Variants in ARL13A observed in about 807,000 individuals in gnomAD.
ARL13A encodes the protein ADP-ribosylation factor-like protein 13A.
In ARL13A, 16 loss-of-function variants were observed where a neutral mutation model predicts 19.1. The ratio of observed to expected loss-of-function variants is 0.84; its 90% confidence interval spans 0.57 to 1.27. The LOEUF (loss-of-function observed/expected upper bound fraction) is 1.27. Ranked by LOEUF, ARL13A falls within the 50% of genes most tolerant of loss-of-function variation. The pLI, the probability that ARL13A is intolerant of heterozygous loss-of-function variation, is 0.00. For synonymous variants in ARL13A, 69 were observed against 71.3 expected, an observed-to-expected ratio of 0.97 and a Z score of 0.17; for missense variants, 153 against 186.4, an observed-to-expected ratio of 0.82 and a Z score of 1.04.
At chrX:100,977,369 C>CTTTTTTT (rs59915769) in intron 3 of ARL13A, among the ~76,000 whole-genome samples, 17 of 56,451 alleles carry the variant, frequency 3.0e-4, no homozygotes, top group African/African-American at 7.9e-4. Context: ...CTACTCTCTT[C>CTTTTTTT]TTTTTTTTTT....
At chrX:100,972,542 A>C (rs1159887703) in intron 1 of ARL13A, among the ~76,000 whole-genome samples, 96 of 34,463 alleles carry the variant, frequency 2.8e-3, no homozygotes, top group Admixed American at 5.0e-3. Flanking sequence ...GGGGACTGAC[A>C]CCCCCACCTC....
intron 7 of ARL13A, among the ~76,000 whole-genome samples, chrX:100,990,080 T>C (rs2085998293): frequency 8.9e-6 from 1 of 112,856 alleles, no homozygotes; most frequent in Non-Finnish European, 1.9e-5. Flanking sequence ...AGATAAGATG[T>C]TACTGGAAAA....
In ARL13A at chrX:100,973,443, C is replaced by T. The variant is rs373124348; in HGVS notation, c.-14-233C>T. ...TCCCGGGCGGCGCTCGCCGGCGCGG[C>T]GGCAAAGACTGAGACAGCTCCGCTG... On this transcript the variant is annotated intron_variant, in intron 1 of 7. Coordinates refer to ENST00000450049, the MANE Select transcript of ARL13A (RefSeq NM_001162491.2). Among the ~76,000 whole-genome samples the T allele has an allele frequency of 1.7e-4, 18 of 107,425 alleles. No homozygotes were observed. The East Asian group carries it at 2.7e-3, about 16-fold the overall frequency. 93.3% of individuals were successfully genotyped at this position (107,425 alleles called of 115,157 possible).
intron 7 of ARL13A, chrX:100,988,554 T>A (rs1569463793): frequency 1.9e-6 from 2 of 1,059,747 alleles, no homozygotes; most frequent in Non-Finnish European, 2.5e-6. Flanking sequence ...ACAATATTTT[T>A]GAAGGTAATG....
intron 3 of ARL13A, among the ~76,000 whole-genome samples, chrX:100,982,059 C>A (rs1295307074): frequency 9.0e-6 from 1 of 110,841 alleles, no homozygotes; most frequent in East Asian, 2.8e-4. Context: ...CTGGCACAAG[C>A]AGGTGTCCTA....
At chrX:100,988,156 C>T (rs375088271) in intron 6 of ARL13A, 37 bp from the exon 7 acceptor site, 176 of 1,104,305 alleles carry the variant, frequency 1.6e-4, no homozygotes, top group Non-Finnish European at 2.1e-4. Context: ...GAAGTGTGTC[C>T]GTTTCTACTA....
intron 3 of ARL13A, among the ~76,000 whole-genome samples, chrX:100,975,757 C>T (rs1192140513): frequency 2.7e-5 from 3 of 109,460 alleles, no homozygotes; most frequent in Non-Finnish European, 5.7e-5. Context: ...CTCAGCCTCC[C>T]GAGTAGCTGG....
intron 1 of ARL13A, among the ~76,000 whole-genome samples, chrX:100,972,433 CT>C (rs1475464368): frequency 9.8e-6 from 1 of 101,798 alleles, no homozygotes; most frequent in African/African-American, 3.6e-5. Flanking sequence ...GTAGGGGCGG[CT>C]GGGCAGAGGC....
chrX:100,983,886 G>A (rs754193179), intron 3 of ARL13A, among the ~76,000 whole-genome samples: 10 of 110,730 alleles, frequency 9.0e-5, no homozygotes, highest in East Asian at 8.5e-4. Context: ...AACTTTTCAC[G>A]TTAATGACTC....
rs755592625 is a variant in ARL13A at position 100,987,569 on chromosome X, C to T, written c.653+13C>T. The T allele has an allele frequency of 4.6e-5, 55 of 1,203,686 alleles. No individual in the cohort carries two copies. The highest frequency in any genetic ancestry group is 5.8e-5 in the Non-Finnish European group (52 of 892,588). On this transcript the variant is annotated intron_variant, in intron 6 of 7. Coordinates refer to ENST00000450049, the MANE Select transcript of ARL13A (RefSeq NM_001162491.2). ...GCTCATCACACAGGTACTGAGATGC[C>T]GCTATGAGATTTGCTGATAAGAAAA...
At chrX:100,970,068 G>T (rs778374081) in intron 1 of ARL13A, among the ~76,000 whole-genome samples, 11 of 112,195 alleles carry the variant, frequency 9.8e-5, no homozygotes, top group African/African-American at 3.2e-4. Context: ...AAGTTAGAAG[G>T]CTCTGCCAAT....
rs996394709 is a variant in ARL13A at position 100,990,673 on chromosome X, G to A, written c.*85G>A. On this transcript the variant is annotated 3_prime_UTR_variant, in exon 8 of 8. Coordinates refer to ENST00000450049, the MANE Select transcript of ARL13A (RefSeq NM_001162491.2). ...AACAGAGACTTTACATCTTTGTACC[G>A]AGATGCTGCTGACAAAGCTTGTGGA... The A allele has an allele frequency of 6.4e-5, 62 of 964,465 alleles. No individual in the cohort carries two copies. Among genetic ancestry groups the A allele is most frequent in the Non-Finnish European group, 8.6e-5 (60 of 694,427 alleles). 79.5% of individuals were successfully genotyped at this position (964,465 alleles called of 1,213,427 possible).
At chrX:100,972,363 C>T in intron 1 of ARL13A, among the ~76,000 whole-genome samples, 1 of 97,606 alleles carries the variant, frequency 1.0e-5, no homozygotes. Flanking sequence ...GGGGGGCTGA[C>T]CCCCCAACCT....
At chrX:100,971,020 T>C (rs1275976928) in intron 1 of ARL13A, among the ~76,000 whole-genome samples, 2 of 111,528 alleles carry the variant, frequency 1.8e-5, no homozygotes, top group African/African-American at 6.5e-5. Flanking sequence ...TATATACAAA[T>C]GTTTATAGCA....
At chrX:100,985,581 T>G in intron 3 of ARL13A, 86 bp from the exon 4 acceptor site, 3 of 1,090,814 alleles carry the variant, frequency 2.8e-6, no homozygotes, top group Non-Finnish European at 3.7e-6. Context: ...GACAACTGCA[T>G]GAAATCGGAA....
At chrX:100,974,064 TCTGTTTAGCCTAAAACCTAC>T (rs1481488436) in intron 2 of ARL13A, 43 bp from the exon 3 acceptor site, 1 of 896,875 alleles carries the variant, frequency 1.1e-6, no homozygotes, top group African/African-American at 2.0e-5. Flanking sequence ...AGTATAACTC[TCTGTTTAGCCTAAAACCTAC>T]CTGTTTTAAG....
intron 3 of ARL13A, among the ~76,000 whole-genome samples, chrX:100,978,579 T>C (rs1391007558): frequency 9.0e-6 from 1 of 111,252 alleles, no homozygotes; most frequent in African/African-American, 3.3e-5. Context: ...AGTCTATATG[T>C]GTCTTTATAG....
intron 4 of ARL13A, among the ~76,000 whole-genome samples, 197 bp downstream of exon 4, chrX:100,986,113 A>G (rs1303904283): frequency 1.8e-5 from 2 of 111,483 alleles, no homozygotes; most frequent in East Asian, 5.6e-4. Flanking sequence ...ATGGGGGACA[A>G]GTTACCTAAC....
intron 3 of ARL13A, among the ~76,000 whole-genome samples, chrX:100,981,227 T>C (rs1237999766): frequency 1.8e-5 from 2 of 112,103 alleles, no homozygotes; most frequent in Non-Finnish European, 3.8e-5. Context: ...TGGCAGGGCT[T>C]GCTGGAACTC....
Sources: allele counts gnomAD v4.1 joint callset (sites outside exome capture counted in the v4.1 genomes callset), GRCh38; gene constraint gnomAD v4.1.1; transcripts MANE v1.5; gene names NCBI Gene and HGNC (gene_info 2026-07-23, HGNC 2026-07-21).